The following ZNF578 variants were observed in gnomAD, a reference collection of about 807,000 sequenced individuals.
ZNF578 encodes zinc finger protein 578.
ZNF578 carries 8 observed loss-of-function variants against 8.3 expected under a neutral mutation model. That is an observed-to-expected ratio of 0.96 (90% CI 0.56 to 1.74). ZNF578 has a LOEUF of 1.74. Ranked by LOEUF, ZNF578 falls within the 40% of genes most tolerant of loss-of-function variation. The probability of loss-of-function intolerance (pLI) is 0.00; values close to 1 mark genes in which losing one functional copy is unlikely to be tolerated. For missense variants in ZNF578, 726 were observed against 707.5 expected (o/e 1.03, Z -0.30); for synonymous variants, 206 against 232.2 (o/e 0.89, Z 1.03).
rs1191523379 is a variant in ZNF578, at chr19:52,511,952, C to T, written c.1571C>T (p.Ser524Leu). ...NECGKTFNVQ[S>L]HLSRHHRLHT... is the part of the protein sequence containing the mutation. ...TGTGGGAAGACTTTTAATGTACAGT[C>T]ACACCTTTCACGTCATCATAGACTT... is the stretch of plus-strand genomic sequence containing the variant. The change falls in exon 6 of 6, where the codon TCA (serine) becomes TTA (leucine). Residue 524 changes from serine to leucine, a missense_variant. Coordinates refer to ENST00000421239, the MANE Select transcript of ZNF578 (RefSeq NM_001099694.2). 1 of 1,614,036 alleles carries T rather than the reference C, an allele frequency of 6.2e-7. No homozygotes were observed. The highest frequency in any genetic ancestry group is 1.1e-5 in the South Asian group (1 of 91,074).
At chr19:52,493,354 C>T (rs1395074896) in intron 3 of ZNF578, among the ~76,000 whole-genome samples, 13 of 152,198 alleles carry the variant, frequency 8.5e-5, no homozygotes, top group Non-Finnish European at 1.5e-4. Flanking sequence ...AGTCTTCCCT[C>T]TGCAGTCACC....
intron 2 of ZNF578, among the ~76,000 whole-genome samples, chr19:52,491,009 GAT>G (rs1429729440): frequency 3.3e-5 from 5 of 152,076 alleles, no homozygotes; most frequent in Admixed American, 3.3e-4. Flanking sequence ...ATGTGACAGT[GAT>G]ATGTTTTTTT....
chr19:52,489,774 G>C (rs1409832234), intron 2 of ZNF578, among the ~76,000 whole-genome samples: 8 of 150,962 alleles, frequency 5.3e-5, no homozygotes, highest in Non-Finnish European at 1.2e-4. Flanking sequence ...TCCTGCCTCA[G>C]CCTCCCGAGT....
intron 5 of ZNF578, among the ~76,000 whole-genome samples, chr19:52,506,918 G>A (rs1176176402): frequency 1.3e-5 from 2 of 152,164 alleles, no homozygotes; most frequent in African/African-American, 4.8e-5. Flanking sequence ...ATGATGAGAT[G>A]CCCCTTTTCC....
At position 52,507,809 on chromosome 19, in the gene ZNF578, G is replaced by A. The variant is rs531367577; in HGVS notation, c.191-2763G>A. Among the ~76,000 whole-genome samples, 3 of 152,236 alleles carry A rather than the reference G, an allele frequency of 2.0e-5. No homozygotes were observed. The South Asian group carries it at 6.2e-4, about 32-fold the overall frequency. The stretch of plus-strand genomic sequence containing the variant: ...TCATGAGTGTAATCCCAGCACTTTG[G>A]GAGGCTGAGACAGCCAAATCACATG... On this transcript the variant is annotated intron_variant, in intron 5 of 5. Transcript: ENST00000421239.
chr19:52,499,108 G>A (rs368283375), intron 3 of ZNF578, among the ~76,000 whole-genome samples: 2 of 152,160 alleles, frequency 1.3e-5, no homozygotes, highest in South Asian at 4.1e-4. Context: ...TTGGTGAAAT[G>A]TCTCCCGCTG....
chr19:52,507,573 G>C (rs1232282367), intron 5 of ZNF578, among the ~76,000 whole-genome samples: 2 of 152,098 alleles, frequency 1.3e-5, no homozygotes, highest in African/African-American at 4.8e-5. Context: ...GAACTGGAAA[G>C]CTTAAGACAT....
At chr19:52,499,166 A>G (rs573010174) in intron 3 of ZNF578, among the ~76,000 whole-genome samples, 10 of 152,332 alleles carry the variant, frequency 6.6e-5, no homozygotes, top group Admixed American at 1.3e-4. Context: ...GAATAAGATC[A>G]GAAAAGCTCA....
At chr19:52,463,818 C>T (rs2059266042) in intron 2 of ZNF578, among the ~76,000 whole-genome samples, 2 of 152,094 alleles carry the variant, frequency 1.3e-5, no homozygotes, top group Non-Finnish European at 2.9e-5. Context: ...CCACATATGC[C>T]ATTTTCCCAG....
At chr19:52,496,507 T>G (rs1183341124) in intron 3 of ZNF578, among the ~76,000 whole-genome samples, 1 of 146,538 alleles carries the variant, frequency 6.8e-6, no homozygotes, top group Non-Finnish European at 1.5e-5. Flanking sequence ...TTTTTTGTAT[T>G]TTTAGTAGAG....
rs1266859008 is a variant in ZNF578 at position 52,481,347 on chromosome 19, G to A, written c.-121-9977G>A. On this transcript the variant is annotated intron_variant, in intron 2 of 5. Transcript: ENST00000421239. ...GGACTGAACAAAGGAGAAGGAACGC[G>A]GGAATTAAAGACAAAAGAATATGTT... Among the ~76,000 whole-genome samples the A allele has an allele frequency of 3.9e-5, 6 of 152,140 alleles. No homozygotes were observed. The South Asian group carries it at 8.3e-4, about 21-fold the overall frequency.
chr19:52,454,462 C>T (rs1277918103), intron 1 of ZNF578: 1 of 152,210 alleles, frequency 6.6e-6, no homozygotes, highest in African/African-American at 2.4e-5. Context: ...CAGATTGGAA[C>T]CTGAACTTCT....
intron 2 of ZNF578, among the ~76,000 whole-genome samples, chr19:52,479,892 T>A (rs1255655265): frequency 6.6e-6 from 1 of 151,662 alleles, no homozygotes; most frequent in Non-Finnish European, 1.5e-5. Flanking sequence ...AAAAAGTGGA[T>A]TATGATTTTT....
chr19:52,496,325 G>GTTAGTTATTTATTTATTTAT (rs1555755436), intron 3 of ZNF578, among the ~76,000 whole-genome samples: 4 of 146,218 alleles, frequency 2.7e-5, no homozygotes, highest in Middle Eastern at 3.5e-3. Context: ...CTCATTTGTT[G>GTTAGTTATTTATTTATTTAT]TTATTTATTT....
chr19:52,455,192 TC>T (rs2059235725), intron 1 of ZNF578: 1 of 94,360 alleles, frequency 1.1e-5, no homozygotes, highest in African/African-American at 4.3e-5. Flanking sequence ...TGCCTTTCTA[TC>T]TTTTTTTTTT....
At chr19:52,469,705 C>T (rs2059286203) in intron 2 of ZNF578, among the ~76,000 whole-genome samples, 1 of 152,130 alleles carries the variant, frequency 6.6e-6, no homozygotes, top group African/African-American at 2.4e-5. Context: ...TTCAACATTT[C>T]TGGAGAACCA....
intron 3 of ZNF578, among the ~76,000 whole-genome samples, chr19:52,496,530 C>T (rs537442446): frequency 0.089 from 10,188 of 114,198 alleles, 1,557 homozygotes; most frequent in Non-Finnish European, 0.11. Context: ...GGGGTGTCAC[C>T]ATGTTAGCCA....
chr19:52,502,927 C>T (rs541152536), intron 4 of ZNF578, among the ~76,000 whole-genome samples: 9 of 152,266 alleles, frequency 5.9e-5, no homozygotes, highest in African/African-American at 2.2e-4. Context: ...GAGTCTCGCT[C>T]AGTCACCAAA....
intron 2 of ZNF578, among the ~76,000 whole-genome samples, chr19:52,460,445 A>G (rs2059254476): frequency 1.3e-5 from 2 of 152,014 alleles, no homozygotes; most frequent in Admixed American, 6.6e-5. Flanking sequence ...CCATATTGTC[A>G]TCTTCTTTAG....
Sources: allele counts gnomAD v4.1 joint callset (sites outside exome capture counted in the v4.1 genomes callset), GRCh38; gene constraint gnomAD v4.1.1; transcripts MANE v1.5; gene names NCBI Gene and HGNC (gene_info 2026-07-23, HGNC 2026-07-21).